CCSER1: variants seen among roughly 807,000 people sequenced by gnomAD.
The protein encoded by CCSER1 is coiled-coil serine rich protein 1.
In CCSER1, 41 loss-of-function variants were observed where a neutral mutation model predicts 82.0. The observed-to-expected ratio is 0.50, with a 90% CI of 0.39 to 0.65. CCSER1 has a LOEUF of 0.65. Among genes scored for constraint, CCSER1 ranks in the 30% least tolerant of loss-of-function variants. CCSER1 has a pLI of 0.00. For synonymous variants in CCSER1, 414 were observed against 383.9 expected, an observed-to-expected ratio of 1.08 and a Z score of -0.92; for missense variants, 1,119 against 1,064.2, an observed-to-expected ratio of 1.05 and a Z score of -0.72.
At chr4:91,026,406 C>G (rs1740493928) in intron 9 of CCSER1, among the ~76,000 whole-genome samples, 2 of 152,136 alleles carry the variant, frequency 1.3e-5, no homozygotes, top group Admixed American at 6.6e-5. Flanking sequence ...ATTGAAAAAT[C>G]ATGTTTTAAA....
chr4:91,307,827 G>A (rs1481971411), intron 10 of CCSER1, among the ~76,000 whole-genome samples: 1 of 151,910 alleles, frequency 6.6e-6, no homozygotes, highest in Non-Finnish European at 1.5e-5. Context: ...AATTCATCAA[G>A]AGTGCTATTA....
At chr4:91,265,874 G>C (rs192940828) in intron 10 of CCSER1, among the ~76,000 whole-genome samples, 2 of 152,262 alleles carry the variant, frequency 1.3e-5, no homozygotes, top group East Asian at 3.9e-4. Context: ...CCAAGACTGG[G>C]AAGAAAAGTA....
intron 9 of CCSER1, among the ~76,000 whole-genome samples, chr4:90,975,791 C>T (rs890004212): frequency 6.0e-5 from 9 of 151,196 alleles, no homozygotes; most frequent in African/African-American, 2.2e-4. Context: ...AAAGAGATAT[C>T]CTATGTATAT....
intron 3 of CCSER1, among the ~76,000 whole-genome samples, chr4:90,385,287 A>G (rs1429392983): frequency 6.6e-6 from 1 of 151,404 alleles, no homozygotes; most frequent in Non-Finnish European, 1.5e-5. Context: ...CTACTTTTAG[A>G]TCTTTGAGAA....
intron 9 of CCSER1, among the ~76,000 whole-genome samples, chr4:90,964,045 T>G (rs1195207197): frequency 6.6e-6 from 1 of 152,204 alleles, no homozygotes; most frequent in Non-Finnish European, 1.5e-5. Context: ...AGAACTCTTT[T>G]TTACACTATT....
intron 10 of CCSER1, among the ~76,000 whole-genome samples, chr4:91,201,294 A>G (rs1421049001): frequency 6.6e-6 from 1 of 152,084 alleles, no homozygotes; most frequent in East Asian, 1.9e-4. Context: ...GTGAGAATAG[A>G]TCTTCCACTT....
At chr4:90,880,360 G>A (rs567662632) in intron 8 of CCSER1, among the ~76,000 whole-genome samples, 2 of 152,162 alleles carry the variant, frequency 1.3e-5, no homozygotes, top group Admixed American at 1.3e-4. Context: ...AGTGCAGTCA[G>A]CCCAGGATGG....
At chr4:91,480,953 TGAGTGAGAGAGAGGAA>T (rs1267538842) in intron 10 of CCSER1, among the ~76,000 whole-genome samples, 1 of 152,140 alleles carries the variant, frequency 6.6e-6, no homozygotes, top group Admixed American at 6.5e-5. Flanking sequence ...TGTGTATGTG[TGAGTGAGAGAGAGGAA>T]GAGGGAGAGA....
chr4:90,694,258 T>G (rs1053477092), intron 6 of CCSER1, among the ~76,000 whole-genome samples: 1 of 151,960 alleles, frequency 6.6e-6, no homozygotes, highest in Non-Finnish European at 1.5e-5. Context: ...GCTAACTAAC[T>G]ACTTTATATA....
chr4:90,611,059 C>CTTTTCTTTTT lies in CCSER1; in HGVS notation c.1725-16962_1725-16961insCTTTTTTTTT, dbSNP rs1303751301. ...TGCCTGGCTAATTTTCTTTTCTTTT[C>CTTTTCTTTTT]TTTTTTTTTTTTTTTTTTTTGTAGA... On this transcript the variant is annotated intron_variant, in intron 5 of 10. Coordinates refer to ENST00000509176, the MANE Select transcript of CCSER1 (RefSeq NM_001145065.2). Among the ~76,000 whole-genome samples the CTTTTCTTTTT allele has an allele frequency of 2.6e-4, 24 of 93,818 alleles. 1 individual carries two copies. Among genetic ancestry groups the CTTTTCTTTTT allele is most frequent in the African/African-American group, 1.2e-3 (22 of 17,974 alleles). 61.5% of individuals were successfully genotyped at this position (93,818 alleles called of 152,430 possible).
At chr4:90,910,625 T>C (rs1306995077) in intron 8 of CCSER1, among the ~76,000 whole-genome samples, 1 of 152,224 alleles carries the variant, frequency 6.6e-6, no homozygotes, top group African/African-American at 2.4e-5. Context: ...GTGAAGGATG[T>C]CAGGCAGTTT....
chr4:90,466,740 C>T (rs1763698413), intron 4 of CCSER1, among the ~76,000 whole-genome samples: 1 of 152,152 alleles, frequency 6.6e-6, no homozygotes, highest in South Asian at 2.1e-4. Context: ...ACAACTGAAA[C>T]TCTTTCTCTA....
chr4:90,534,185 A>G (rs1036925202), intron 5 of CCSER1, among the ~76,000 whole-genome samples: 2 of 152,220 alleles, frequency 1.3e-5, no homozygotes, highest in Non-Finnish European at 2.9e-5. Flanking sequence ...GCTGGAGAGC[A>G]GTGGCTCAAT....
chr4:90,149,232 C>A (rs1726367998), intron 1 of CCSER1, among the ~76,000 whole-genome samples: 1 of 151,892 alleles, frequency 6.6e-6, no homozygotes, highest in African/African-American at 2.4e-5. Context: ...GAGTAAATAG[C>A]CCAAGTTCAA....
At chr4:90,363,622 T>G (rs549944848) in intron 3 of CCSER1, among the ~76,000 whole-genome samples, 19 of 151,942 alleles carry the variant, frequency 1.3e-4, no homozygotes, top group Admixed American at 2.6e-4. Flanking sequence ...AAAAAAATCT[T>G]AAGATTATTT....
chr4:91,022,658 C>T (rs1740103715), intron 9 of CCSER1, among the ~76,000 whole-genome samples: 1 of 152,170 alleles, frequency 6.6e-6, no homozygotes, highest in African/African-American at 2.4e-5. Flanking sequence ...TCTCCACATC[C>T]TCTCCAGCAC....
chr4:90,357,368 A>T (rs977571152), intron 3 of CCSER1, among the ~76,000 whole-genome samples: 2 of 151,806 alleles, frequency 1.3e-5, no homozygotes, highest in Admixed American at 6.6e-5. Context: ...ATTTTTTTAT[A>T]CTTGATTTCC....
At chr4:90,798,145 C>T (rs1475908990) in intron 7 of CCSER1, among the ~76,000 whole-genome samples, 6 of 151,186 alleles carry the variant, frequency 4.0e-5, no homozygotes, top group African/African-American at 7.4e-5. Flanking sequence ...TACGTAATGC[C>T]GTATTTCTCA....
At chr4:90,225,522 TG>T (rs1196175306) in intron 1 of CCSER1, among the ~76,000 whole-genome samples, 1 of 152,148 alleles carries the variant, frequency 6.6e-6, no homozygotes, top group African/African-American at 2.4e-5. Context: ...ACCTGAGAGG[TG>T]GGCATTATAT....
Sources: allele counts gnomAD v4.1 joint callset (sites outside exome capture counted in the v4.1 genomes callset), GRCh38; gene constraint gnomAD v4.1.1; transcripts MANE v1.5; gene names NCBI Gene and HGNC (gene_info 2026-07-23, HGNC 2026-07-21).